FHIP1A: variants seen among roughly 807,000 people sequenced by gnomAD.
The protein encoded by FHIP1A is FHF complex subunit HOOK-interacting protein 1A.
In FHIP1A, 61 loss-of-function variants were observed where a neutral mutation model predicts 88.6. The observed-to-expected ratio is 0.69, with a 90% CI of 0.56 to 0.85. FHIP1A has a LOEUF of 0.85. Ranked by LOEUF, FHIP1A falls within the 40% of genes least tolerant of loss-of-function variation. FHIP1A has a pLI of 0.00. For missense variants in FHIP1A, 1,154 were observed against 1,273.5 expected (o/e 0.91, Z 1.43); for synonymous variants, 478 against 496.0 (o/e 0.96, Z 0.48).
chr4:151,504,442 C>T (rs1272702750), intron 3 of FHIP1A, among the ~76,000 whole-genome samples: 1 of 152,158 alleles, frequency 6.6e-6, no homozygotes, highest in Non-Finnish European at 1.5e-5. Flanking sequence ...ACTGTATCCC[C>T]AGATACTTCC....
intron 7 of FHIP1A, among the ~76,000 whole-genome samples, chr4:151,594,190 G>T (rs1734557406): frequency 6.6e-6 from 1 of 152,166 alleles, no homozygotes. Context: ...AGGGACATTG[G>T]TCTGAAATTT....
chr4:151,544,332 C>T (rs112466894), intron 3 of FHIP1A, among the ~76,000 whole-genome samples: 6 of 152,290 alleles, frequency 3.9e-5, no homozygotes, highest in East Asian at 1.9e-4. Context: ...CCATTGACCC[C>T]GATCTGGCTT....
intron 3 of FHIP1A, among the ~76,000 whole-genome samples, chr4:151,562,337 G>A (rs1334677122): frequency 6.6e-6 from 1 of 152,128 alleles, no homozygotes; most frequent in Non-Finnish European, 1.5e-5. Context: ...TAGTGGTTTT[G>A]GTTTGGAAAC....
At chr4:151,472,571 C>A (rs1057235469) in intron 2 of FHIP1A, among the ~76,000 whole-genome samples, 1 of 151,364 alleles carries the variant, frequency 6.6e-6, no homozygotes, top group African/African-American at 2.4e-5. Flanking sequence ...TTACACTTTC[C>A]TCTTTGAGCC....
At chr4:151,615,985 T>C (rs1735503371) in intron 7 of FHIP1A, among the ~76,000 whole-genome samples, 1 of 152,156 alleles carries the variant, frequency 6.6e-6, no homozygotes, top group Non-Finnish European at 1.5e-5. Context: ...TAGAATTTCC[T>C]GTGCAGGGTT....
At chr4:151,578,376 T>A (rs1050318371) in intron 5 of FHIP1A, among the ~76,000 whole-genome samples, 1 of 152,204 alleles carries the variant, frequency 6.6e-6, no homozygotes. Context: ...TCCTGAGAGA[T>A]TGGTAAAACC....
At position 151,482,625 on chromosome 4, in the gene FHIP1A, G is replaced by A. The variant is rs1729939882; in HGVS notation, c.-146G>A. On this transcript the variant is annotated 5_prime_UTR_variant, in exon 3 of 14. Transcript: ENST00000435205. ...AGTGAGCAAATACAACCCAGCAGTA[G>A]GTTATTGAAGACAGCAGCCCCAGGT... 6.6e-6 allele frequency: 1 copy of A among 151,994 alleles called. No individual in the cohort carries two copies. Among genetic ancestry groups the A allele is most frequent in the Non-Finnish European group, 1.5e-5 (1 of 67,964 alleles). The allele number at this position is 151,994 out of a possible 1,614,324, so 9.4% of individuals were successfully genotyped here.
rs569125588 is a variant in FHIP1A at position 151,470,705 on chromosome 4, T to A, written c.-247-11819T>A. On this transcript the variant is annotated intron_variant, in intron 2 of 13. Coordinates refer to ENST00000435205, the MANE Select transcript of FHIP1A (RefSeq NM_001109977.3). Reference sequence around the variant, plus strand: ...TACAATGAGAATAAAGAGAAGAGGGTTCCTGCCCTGCCATCTTACAGTCTA... The same window carrying A: ...TACAATGAGAATAAAGAGAAGAGGGATCCTGCCCTGCCATCTTACAGTCTA... 3.3e-5 allele frequency among the ~76,000 whole-genome samples: 5 copies of A among 152,244 alleles called. No individual in the cohort carries two copies. The East Asian group carries it at 9.7e-4, about 29-fold the overall frequency.
chr4:151,462,820 C>A (rs1164742375), intron 2 of FHIP1A, among the ~76,000 whole-genome samples: 1 of 152,168 alleles, frequency 6.6e-6, no homozygotes. Flanking sequence ...TGGTTACTTT[C>A]TCTGATGTTT....
intron 4 of FHIP1A, among the ~76,000 whole-genome samples, chr4:151,572,624 A>T (rs1256210544): frequency 6.6e-6 from 1 of 152,236 alleles, no homozygotes; most frequent in South Asian, 2.1e-4. Flanking sequence ...TTGGCTTTAG[A>T]TGGCTAAATC....
chr4:151,504,880 C>T (rs566062633), intron 3 of FHIP1A, among the ~76,000 whole-genome samples: 8 of 152,054 alleles, frequency 5.3e-5, no homozygotes, highest in African/African-American at 1.9e-4. Flanking sequence ...GGCCTCCCAA[C>T]GTGCTAGGAT....
chr4:151,467,885 G>A (rs1729377296), intron 2 of FHIP1A, among the ~76,000 whole-genome samples: 1 of 151,762 alleles, frequency 6.6e-6, no homozygotes, highest in Middle Eastern at 3.2e-3. Context: ...TGCATGCAGG[G>A]CTTAAAACCA....
At chr4:151,428,886 T>C (rs1465416277) in intron 1 of FHIP1A, among the ~76,000 whole-genome samples, 2 of 152,224 alleles carry the variant, frequency 1.3e-5, no homozygotes, top group African/African-American at 2.4e-5. Context: ...TTGGCTTAGT[T>C]AACTCCTATT....
At chr4:151,633,327 A>C (rs1736226687) in intron 8 of FHIP1A, among the ~76,000 whole-genome samples, 1 of 151,884 alleles carries the variant, frequency 6.6e-6, no homozygotes, top group East Asian at 1.9e-4. Context: ...TAATTGAAAA[A>C]TCTTAAAGAA....
intron 2 of FHIP1A, among the ~76,000 whole-genome samples, chr4:151,467,949 A>G (rs1729379258): frequency 6.6e-6 from 1 of 150,396 alleles, no homozygotes; most frequent in South Asian, 2.1e-4. Flanking sequence ...ATACCTATGT[A>G]ACAAACGCTC....
intron 1 of FHIP1A, chr4:151,436,550 T>C (rs1239441341): frequency 5.3e-5 from 8 of 152,280 alleles, no homozygotes; most frequent in African/African-American, 1.9e-4. Flanking sequence ...GTTTAAAAGT[T>C]GCTTGAAGAC....
At chr4:151,434,608 A>G (rs1344645008) in intron 1 of FHIP1A, among the ~76,000 whole-genome samples, 1 of 152,140 alleles carries the variant, frequency 6.6e-6, no homozygotes, top group African/African-American at 2.4e-5. Flanking sequence ...TTGCAGTAAG[A>G]ATTGGATTTT....
At position 151,512,137 on chromosome 4, in the gene FHIP1A, C is replaced by T. The variant is rs896020577; in HGVS notation, c.-123+29489C>T. ...GCAGCATTCGTGGATCACGAAAATC[C>T]GCTCTTCTGCAGCCACCACTGCTGG... On this transcript the variant is annotated intron_variant, in intron 3 of 13. Transcript: ENST00000435205. Among the ~76,000 whole-genome samples, 7 of 152,320 alleles carry T rather than the reference C, an allele frequency of 4.6e-5. No homozygotes were observed. The South Asian group carries it at 8.3e-4, about 18-fold the overall frequency.
chr4:151,585,158 A>G (rs529030179), intron 5 of FHIP1A, among the ~76,000 whole-genome samples: 41 of 151,946 alleles, frequency 2.7e-4, no homozygotes, highest in African/African-American at 8.9e-4. Context: ...GGTTTGTGCT[A>G]GAGCAAAGCC....
Sources: allele counts gnomAD v4.1 joint callset (sites outside exome capture counted in the v4.1 genomes callset), GRCh38; gene constraint gnomAD v4.1.1; transcripts MANE v1.5; gene names NCBI Gene and HGNC (gene_info 2026-07-23, HGNC 2026-07-21).